Variants in C12orf42 observed in about 807,000 individuals in gnomAD.
The protein encoded by C12orf42 is uncharacterized protein C12orf42.
C12orf42 carries 25 observed loss-of-function variants against 21.6 expected under a neutral mutation model. That is an observed-to-expected ratio of 1.16 (90% CI 0.84 to 1.62). The LOEUF is 1.62. Ranked by LOEUF, C12orf42 falls within the 40% of genes most tolerant of loss-of-function variation. The pLI, the probability that C12orf42 is intolerant of heterozygous loss-of-function variation, is 0.00. For synonymous variants in C12orf42, 174 were observed against 175.0 expected, an observed-to-expected ratio of 0.99 and a Z score of 0.05; for missense variants, 483 against 459.3, an observed-to-expected ratio of 1.05 and a Z score of -0.47.
chr12:103,416,602 A>C (rs1175469171), intron 2 of C12orf42, among the ~76,000 whole-genome samples: 2 of 149,314 alleles, frequency 1.3e-5, no homozygotes, highest in Non-Finnish European at 3.0e-5. Flanking sequence ...CATACATGCT[A>C]CATTTATTAC....
the C12orf42 span, among the ~76,000 whole-genome samples, chr12:103,534,767 A>G: frequency 6.6e-6 from 1 of 152,198 alleles, no homozygotes; most frequent in African/African-American, 2.4e-5. Flanking sequence ...TGCTCAGACT[A>G]TCTTTTCAGA....
At chr12:103,426,887 C>A (rs1427715308) in intron 2 of C12orf42, among the ~76,000 whole-genome samples, 3 of 152,142 alleles carry the variant, frequency 2.0e-5, no homozygotes, top group Non-Finnish European at 4.4e-5. Flanking sequence ...GAAATGAAAT[C>A]CTTTACAGAC....
At chr12:103,195,283 G>A in the C12orf42 span, among the ~76,000 whole-genome samples, 1 of 152,100 alleles carries the variant, frequency 6.6e-6, no homozygotes, top group South Asian at 2.1e-4. Flanking sequence ...ATGGTAGAAT[G>A]ATATCTATTC....
chr12:103,454,787 C>T (rs545332795), intron 2 of C12orf42, among the ~76,000 whole-genome samples: 16 of 152,222 alleles, frequency 1.1e-4, no homozygotes, highest in Admixed American at 7.2e-4. Context: ...AATTCCTATC[C>T]AGTTAGGATT....
chr12:103,404,916 A>T (rs1464971702), intron 2 of C12orf42, among the ~76,000 whole-genome samples: 3 of 152,250 alleles, frequency 2.0e-5, no homozygotes, highest in Non-Finnish European at 4.4e-5. Flanking sequence ...ACGCAAGTGC[A>T]CACGCACGCA....
chr12:103,171,210 C>T, the C12orf42 span, among the ~76,000 whole-genome samples: 1 of 152,068 alleles, frequency 6.6e-6, no homozygotes, highest in Admixed American at 6.6e-5. Flanking sequence ...ATCCACTGAC[C>T]CTGCACAATC....
downstream of C12orf42, among the ~76,000 whole-genome samples, chr12:103,233,520 C>T (rs1373038559): frequency 1.3e-5 from 2 of 152,092 alleles, no homozygotes; most frequent in South Asian, 2.1e-4. Context: ...TAGTTTTTCT[C>T]ATAAAGAATT....
chr12:103,067,217 A>G, the C12orf42 span, among the ~76,000 whole-genome samples: 1 of 152,202 alleles, frequency 6.6e-6, no homozygotes, highest in East Asian at 1.9e-4. Flanking sequence ...GGGTTTGCCT[A>G]TCCTGCACCC....
the C12orf42 span, among the ~76,000 whole-genome samples, chr12:103,057,944 T>A: frequency 6.6e-6 from 1 of 151,832 alleles, no homozygotes; most frequent in African/African-American, 2.4e-5. Flanking sequence ...ATTTCTCTAA[T>A]GATCAGTGAT....
intron 4 of C12orf42, among the ~76,000 whole-genome samples, chr12:103,313,185 G>A (rs989429423): frequency 2.0e-5 from 3 of 152,162 alleles, no homozygotes; most frequent in African/African-American, 4.8e-5. Context: ...GCACAAATGA[G>A]AGCCTGAAGC....
exon 7 of C12orf42, chr12:103,268,827 A>T (rs2035300038): frequency 6.6e-6 from 1 of 152,198 alleles, no homozygotes; most frequent in African/African-American, 2.4e-5. Context: ...CATATAATGC[A>T]TGAAAAAGTT....
intron 4 of C12orf42, among the ~76,000 whole-genome samples, chr12:103,295,751 A>G (rs544200833): frequency 1.3e-5 from 2 of 152,328 alleles, no homozygotes; most frequent in East Asian, 3.9e-4. Flanking sequence ...TCATAAAATA[A>G]TGATTTGAAT....
chr12:103,494,176 G>A lies in C12orf42; in HGVS notation c.-22+1726C>T, dbSNP rs147206120. On this transcript the variant is annotated intron_variant, in intron 1 of 5. Transcript: ENST00000548883. ...TTCTCCACAATAGCCTGGCCCTCTC[G>A]CCTCCCTTTGTCTTCTGCAATGCCT... Among the ~76,000 whole-genome samples, 402 of 152,252 alleles carry A rather than the reference G, an allele frequency of 2.6e-3. 1 individual carries two copies. The highest frequency in any genetic ancestry group is 0.014 in the Middle Eastern group (4 of 294).
chr12:103,174,557 T>C, the C12orf42 span, among the ~76,000 whole-genome samples: 1 of 147,074 alleles, frequency 6.8e-6, no homozygotes, highest in African/African-American at 2.4e-5. Context: ...AGAGATAGGA[T>C]TCAAACTCAG....
the C12orf42 span, among the ~76,000 whole-genome samples, chr12:103,183,772 T>C: frequency 6.6e-6 from 1 of 152,216 alleles, no homozygotes; most frequent in Non-Finnish European, 1.5e-5. Flanking sequence ...CACTCGTTTT[T>C]ATTTAGCTCT....
At chr12:103,419,227 A>C (rs376085690) in intron 2 of C12orf42, among the ~76,000 whole-genome samples, 1 of 152,160 alleles carries the variant, frequency 6.6e-6, no homozygotes, top group East Asian at 1.9e-4. Flanking sequence ...ACCAGGGTTG[A>C]GATGGCAAAG....
the C12orf42 span, among the ~76,000 whole-genome samples, chr12:103,073,950 T>G: frequency 6.6e-6 from 1 of 152,122 alleles, no homozygotes; most frequent in African/African-American, 2.4e-5. Context: ...ACACAGCTAA[T>G]TCTCCTCATG....
exon 7 of C12orf42, chr12:103,268,548 G>A (rs1345013132): frequency 6.6e-6 from 1 of 150,654 alleles, no homozygotes; most frequent in Non-Finnish European, 1.5e-5. Flanking sequence ...CGTCTTTAAA[G>A]TGTGACTGTT....
At chr12:103,485,380 T>C (rs544150326) in intron 1 of C12orf42, among the ~76,000 whole-genome samples, 3 of 152,334 alleles carry the variant, frequency 2.0e-5, no homozygotes, top group African/African-American at 7.2e-5. Flanking sequence ...TGTAGCCTTG[T>C]AGTTTAGTTT....
Sources: allele counts gnomAD v4.1 joint callset (sites outside exome capture counted in the v4.1 genomes callset), GRCh38; gene constraint gnomAD v4.1.1; transcripts MANE v1.5; gene names NCBI Gene and HGNC (gene_info 2026-07-23, HGNC 2026-07-21).